The following AFF3 variants were observed in gnomAD, a reference collection of about 807,000 sequenced individuals.
The protein encoded by AFF3 is AF4/FMR2 family member 3.
A neutral mutation model predicts 129.7 loss-of-function variants in AFF3; 32 were observed. The observed-to-expected ratio is 0.25, with a 90% CI of 0.19 to 0.33. The LOEUF is 0.33. Among genes scored for constraint, AFF3 ranks in the 10% least tolerant of loss-of-function variants. The pLI is 1.00. For missense variants in AFF3, 1,373 were observed against 1,592.0 expected, an observed-to-expected ratio of 0.86 and a Z score of 2.34; for synonymous variants, 644 against 635.4, an observed-to-expected ratio of 1.01 and a Z score of -0.20.
At chr2:100,028,103 AG>A (rs1275766817) in intron 4 of AFF3, among the ~76,000 whole-genome samples, 2 of 152,224 alleles carry the variant, frequency 1.3e-5, no homozygotes, top group South Asian at 2.1e-4. Context: ...TTACCTGCAA[AG>A]TTGAAACAGT....
chr2:100,061,762 A>C (rs1687287836), intron 4 of AFF3, among the ~76,000 whole-genome samples: 1 of 151,682 alleles, frequency 6.6e-6, no homozygotes, highest in South Asian at 2.1e-4. Flanking sequence ...TGAGAAACAG[A>C]AGTCAACAGA....
intron 4 of AFF3, among the ~76,000 whole-genome samples, chr2:100,070,330 C>T (rs1688070146): frequency 6.7e-6 from 1 of 149,678 alleles, no homozygotes; most frequent in Non-Finnish European, 1.5e-5. Context: ...AGATTAAAAC[C>T]GTCTGACTAA....
At chr2:99,677,445 C>G (rs1674087936) in intron 11 of AFF3, among the ~76,000 whole-genome samples, 1 of 152,060 alleles carries the variant, frequency 6.6e-6, no homozygotes, top group Admixed American at 6.6e-5. Context: ...AGGACAGAAG[C>G]AAGATTTTTT....
intron 4 of AFF3, among the ~76,000 whole-genome samples, chr2:100,021,984 T>C (rs987943060): frequency 3.9e-5 from 6 of 152,208 alleles, no homozygotes; most frequent in African/African-American, 1.4e-4. Context: ...ACACAAGTAC[T>C]GCGGAGGACA....
At chr2:99,820,602 C>T (rs1198043756) in intron 8 of AFF3, among the ~76,000 whole-genome samples, 1 of 150,404 alleles carries the variant, frequency 6.6e-6, no homozygotes, top group Admixed American at 6.6e-5. Flanking sequence ...TTAACCTTAG[C>T]TTGCTGCACC....
chr2:99,648,299 G>GTTTTGTAAACTTTGAGGGT (rs57838800), intron 13 of AFF3, among the ~76,000 whole-genome samples: 128,943 of 152,142 alleles, frequency 0.85, 54,711 homozygotes, highest in East Asian at 0.93. Context: ...CAATGACCAA[G>GTTTTGTAAACTTTGAGGGT]TTTCCCTTGC....
intron 7 of AFF3, among the ~76,000 whole-genome samples, chr2:99,968,046 T>C (rs1403630770): frequency 6.6e-6 from 1 of 152,192 alleles, no homozygotes; most frequent in African/African-American, 2.4e-5. Flanking sequence ...TCATTCTGTG[T>C]TCCCTGACCA....
chr2:99,568,974 A>T (rs1387366264), intron 18 of AFF3, 59 bp from the exon 19 acceptor site: 9 of 1,481,218 alleles, frequency 6.1e-6, no homozygotes, highest in Non-Finnish European at 8.5e-6. Flanking sequence ...TCTTTTTAAA[A>T]TATTCCTTCC....
chr2:99,838,997 T>C (rs6731666), intron 7 of AFF3, among the ~76,000 whole-genome samples: 119,625 of 152,106 alleles, frequency 0.79, 47,808 homozygotes, highest in South Asian at 0.93. Context: ...CACACATGAT[T>C]GAGACCTTCT....
At chr2:99,853,322 G>A (rs1362886861) in intron 7 of AFF3, among the ~76,000 whole-genome samples, 1 of 152,054 alleles carries the variant, frequency 6.6e-6, no homozygotes, top group Non-Finnish European at 1.5e-5. Flanking sequence ...TCTTTCCATT[G>A]AATTCCTTGG....
intron 7 of AFF3, among the ~76,000 whole-genome samples, chr2:99,890,753 G>A (rs1158472307): frequency 6.6e-6 from 1 of 152,156 alleles, no homozygotes; most frequent in Non-Finnish European, 1.5e-5. Context: ...ACCTCTGCAT[G>A]CCCCTGGCCT....
At chr2:99,843,446 CACAA>C in intron 7 of AFF3, among the ~76,000 whole-genome samples, 1 of 152,326 alleles carries the variant, frequency 6.6e-6, no homozygotes, top group East Asian at 1.9e-4. Context: ...AGGAAAAATA[CACAA>C]ACAGCCAGGG....
Position 100,027,941 on chromosome 2 carries a change from T to C in AFF3, c.54-19009A>G, listed in dbSNP as rs372178786. ...ATCTCATTACTTTACTATGAAAACATTGGTAATTCTGCAAATTCACTGTCC... is the reference window on the plus strand; with the variant it reads ...ATCTCATTACTTTACTATGAAAACACTGGTAATTCTGCAAATTCACTGTCC... On this transcript the variant is annotated intron_variant, in intron 4 of 24. Coordinates refer to ENST00000672756, the MANE Select transcript of AFF3 (RefSeq NM_001386135.1). 1.5e-4 allele frequency among the ~76,000 whole-genome samples: 23 copies of C among 152,344 alleles called. No individual in the cohort carries two copies. The South Asian group carries it at 4.8e-3, about 32-fold the overall frequency.
chr2:100,128,587 C>T (rs1692296307), intron 2 of AFF3, among the ~76,000 whole-genome samples: 1 of 152,160 alleles, frequency 6.6e-6, no homozygotes, highest in Non-Finnish European at 1.5e-5. Flanking sequence ...TGTTATTTGG[C>T]CCCAAGGAGG....
chr2:99,546,649 C>G lies in AFF3; in HGVS notation c.*4825G>C, dbSNP rs1674081067. The G allele has an allele frequency of 4.3e-6, 1 of 231,192 alleles. No individual in the cohort carries two copies. Among genetic ancestry groups the G allele is most frequent in the African/African-American group, 2.2e-5 (1 of 45,124 alleles). 14.3% of individuals were successfully genotyped at this position (231,192 alleles called of 1,614,324 possible). A position where few individuals can be genotyped will look rare whatever the true frequency, so the allele number is the denominator to read the frequency against. ...CTAAAAATGAAGTTAACAAACTTAC[C>G]CTCCCACATAGGGGATGCTTCATGT... On this transcript the variant is annotated 3_prime_UTR_variant, in exon 25 of 25. Coordinates refer to ENST00000672756, the MANE Select transcript of AFF3 (RefSeq NM_001386135.1).
chr2:99,782,555 C>T (rs919633145), intron 8 of AFF3, among the ~76,000 whole-genome samples: 1 of 152,214 alleles, frequency 6.6e-6, no homozygotes, highest in African/African-American at 2.4e-5. Context: ...CAACTTTGAC[C>T]TGCAACACTG....
chr2:99,816,600 G>T (rs181687230), intron 8 of AFF3, among the ~76,000 whole-genome samples: 1 of 152,006 alleles, frequency 6.6e-6, no homozygotes, highest in South Asian at 2.1e-4. Context: ...CTTGGCTTTG[G>T]GTCTCCCTTT....
chr2:99,576,714 C>T (rs1575404870), intron 18 of AFF3, among the ~76,000 whole-genome samples: 1 of 152,100 alleles, frequency 6.6e-6, no homozygotes, highest in African/African-American at 2.4e-5. Context: ...GTGTGAGTAC[C>T]TCAGGGTCTA....
At chr2:100,001,906 C>G (rs185813362) in intron 7 of AFF3, among the ~76,000 whole-genome samples, 10 of 152,368 alleles carry the variant, frequency 6.6e-5, no homozygotes, top group Non-Finnish European at 1.3e-4. Context: ...TTCGGGTATA[C>G]GCAGTACAGG....
Sources: allele counts gnomAD v4.1 joint callset (sites outside exome capture counted in the v4.1 genomes callset), GRCh38; gene constraint gnomAD v4.1.1; transcripts MANE v1.5; gene names NCBI Gene and HGNC (gene_info 2026-07-23, HGNC 2026-07-21).